Variants in ETV7 observed in about 807,000 individuals in gnomAD.
ETV7 encodes the protein ETS variant transcription factor 7.
ETV7 carries 43 observed loss-of-function variants against 39.1 expected under a neutral mutation model. The ratio of observed to expected loss-of-function variants is 1.10; its 90% CI spans 0.86 to 1.42. ETV7 has a LOEUF of 1.42. ETV7 is among the 40% of genes most tolerant of loss of function. ETV7 has a pLI of 0.00. For missense variants in ETV7, 432 were observed against 442.3 expected, an observed-to-expected ratio of 0.98 and a Z score of 0.21; for synonymous variants, 196 against 176.6, an observed-to-expected ratio of 1.11 and a Z score of -0.87.
At chr6:36,377,227 A>G (rs966344330) in intron 2 of ETV7, among the ~76,000 whole-genome samples, 6 of 152,168 alleles carry the variant, frequency 3.9e-5, no homozygotes, top group African/African-American at 1.4e-4. Context: ...TTGGGAGGCC[A>G]AAGTGGGCAG....
intron 2 of ETV7, 137 bp from the exon 3 acceptor site, chr6:36,376,172 TC>T: frequency 1.4e-6 from 1 of 700,586 alleles, no homozygotes; most frequent in Non-Finnish European, 2.3e-6. Flanking sequence ...GCCACCTGTT[TC>T]TTTCCTTCCT....
downstream of ETV7, among the ~76,000 whole-genome samples, chr6:36,364,626 C>T (rs1008008795): frequency 1.3e-5 from 2 of 152,236 alleles, no homozygotes; most frequent in Non-Finnish European, 2.9e-5. Flanking sequence ...CCACACCTCC[C>T]TTCAAGCTGA....
chr6:36,381,910 G>A (rs1773675002), intron 2 of ETV7, among the ~76,000 whole-genome samples: 1 of 152,090 alleles, frequency 6.6e-6, no homozygotes, highest in Non-Finnish European at 1.5e-5. Context: ...ATTTAGGGAG[G>A]GGAGAGGTTC....
chr6:36,356,906 C>G (rs947595043), intron 7 of ETV7, among the ~76,000 whole-genome samples: 2 of 152,108 alleles, frequency 1.3e-5, no homozygotes, highest in Non-Finnish European at 2.9e-5. Flanking sequence ...TTTGCGGGAC[C>G]CCATCACCAC....
At chr6:36,386,094 G>C (rs1281415391) in intron 1 of ETV7, among the ~76,000 whole-genome samples, 1 of 152,190 alleles carries the variant, frequency 6.6e-6, no homozygotes, top group Non-Finnish European at 1.5e-5. Flanking sequence ...TTGGGAGTCT[G>C]GGGCGGGTGG....
chr6:36,369,412 T>C (rs1248645713), intron 5 of ETV7, among the ~76,000 whole-genome samples: 1 of 152,170 alleles, frequency 6.6e-6, no homozygotes. Context: ...TGAGGGCAGG[T>C]GCTGGGCCCA....
At chr6:36,377,163 A>G (rs767585606) in intron 2 of ETV7, among the ~76,000 whole-genome samples, 10 of 152,214 alleles carry the variant, frequency 6.6e-5, no homozygotes, top group Non-Finnish European at 1.2e-4. Context: ...TTTGTGGGCA[A>G]AAAATATTTA....
At chr6:36,355,958 G>A (rs1454831278) in intron 7 of ETV7, among the ~76,000 whole-genome samples, 1 of 152,168 alleles carries the variant, frequency 6.6e-6, no homozygotes, top group East Asian at 1.9e-4. Context: ...TAAGTGGTAG[G>A]CCTGGCAGTG....
At chr6:36,381,087 G>A (rs1002426327) in intron 2 of ETV7, among the ~76,000 whole-genome samples, 2 of 152,138 alleles carry the variant, frequency 1.3e-5, no homozygotes, top group African/African-American at 2.4e-5. Flanking sequence ...TGAGCTCCAG[G>A]AGCCACAGAG....
intron 3 of ETV7, 32 bp downstream of exon 3, chr6:36,375,839 C>T (rs199807829): frequency 1.1e-4 from 180 of 1,613,428 alleles, no homozygotes; most frequent in East Asian, 3.3e-4. Context: ...CCAGGGTTCC[C>T]GCTTAGAGGA....
intron 2 of ETV7, among the ~76,000 whole-genome samples, chr6:36,383,161 C>T (rs1410041000): frequency 6.6e-6 from 1 of 152,222 alleles, no homozygotes; most frequent in African/African-American, 2.4e-5. Flanking sequence ...AGCTGCGTCC[C>T]CCCATAGCTC....
At chr6:36,382,541 G>A (rs1406557992) in intron 2 of ETV7, among the ~76,000 whole-genome samples, 1 of 152,146 alleles carries the variant, frequency 6.6e-6, no homozygotes, top group Non-Finnish European at 1.5e-5. Context: ...GCCCTGGTCT[G>A]GAATACCGGG....
chr6:36,374,663 T>C (rs1181293090), intron 3 of ETV7, among the ~76,000 whole-genome samples: 1 of 152,196 alleles, frequency 6.6e-6, no homozygotes, highest in East Asian at 1.9e-4. Context: ...GCCTTGTCTC[T>C]CTGTCCCTGC....
intron 1 of ETV7, 127 bp from the exon 2 acceptor site, chr6:36,385,796 C>A: frequency 2.0e-6 from 2 of 1,002,954 alleles, no homozygotes; most frequent in Non-Finnish European, 1.4e-6. Context: ...CTGCATCAAC[C>A]TTAAAGGTAG....
chr6:36,365,464 C>G (rs1484491163), downstream of ETV7, among the ~76,000 whole-genome samples: 1 of 152,280 alleles, frequency 6.6e-6, no homozygotes, highest in African/African-American at 2.4e-5. Context: ...AGAAGGAGCC[C>G]CATTTTGCAG....
In ETV7 at chr6:36,371,478, G is replaced by A. The variant is rs751876214; in HGVS notation, c.516C>T (p.Gly172=). 1 of 1,604,082 alleles carries A rather than the reference G, an allele frequency of 6.2e-7. No individual in the cohort carries two copies. The highest frequency in any genetic ancestry group is 8.5e-7 in the Non-Finnish European group (1 of 1,175,208). Residue 172 remains glycine, a synonymous_variant, in exon 5 of 8, where the codon GGC becomes GGT. Transcript: ENST00000340181. ...TTGCCAGGCCAGGGTCATCCAGGTG[G>A]CCGAAGTTGCTGGTAAGCCCTGGGT... The part of the protein sequence containing the change: ...PPDPGLTSNF[G]HLDDPGLARW...
At chr6:36,372,291 G>A (rs115984728) in intron 4 of ETV7, among the ~76,000 whole-genome samples, 1 of 152,264 alleles carries the variant, frequency 6.6e-6, no homozygotes, top group Non-Finnish European at 1.5e-5. Flanking sequence ...AAGAAGGCCC[G>A]AAGGCCCGTG....
chr6:36,378,628 C>CA (rs1398976127), intron 2 of ETV7, among the ~76,000 whole-genome samples: 1 of 151,754 alleles, frequency 6.6e-6, no homozygotes, highest in Non-Finnish European at 1.5e-5. Context: ...TTTTTAAAGA[C>CA]AAAAAAAATC....
chr6:36,385,491 ATTT>A, intron 2 of ETV7, 40 bp downstream of exon 2: 2 of 1,613,350 alleles, frequency 1.2e-6, no homozygotes, highest in Non-Finnish European at 1.7e-6. Context: ...CAAAATAAAA[ATTT>A]ACTTTTAAAA....
Sources: allele counts gnomAD v4.1 joint callset (sites outside exome capture counted in the v4.1 genomes callset), GRCh38; gene constraint gnomAD v4.1.1; transcripts MANE v1.5; gene names NCBI Gene and HGNC (gene_info 2026-07-23, HGNC 2026-07-21).